The following CDH12 variants were observed in gnomAD, a reference collection of about 807,000 sequenced individuals.
CDH12 encodes cadherin-12.
A neutral mutation model predicts 74.1 loss-of-function variants in CDH12; 41 were observed. The observed-to-expected ratio is 0.55, with a 90% CI of 0.43 to 0.72. The LOEUF (loss-of-function observed/expected upper bound fraction) is 0.72. CDH12 is among the 30% of genes least tolerant of loss of function. The probability of loss-of-function intolerance (pLI) is 0.00; values close to 1 mark genes in which losing one functional copy is unlikely to be tolerated. For missense variants in CDH12, 945 were observed against 977.2 expected (o/e 0.97, Z 0.44); for synonymous variants, 399 against 355.0 (o/e 1.12, Z -1.39).
intron 6 of CDH12, among the ~76,000 whole-genome samples, chr5:21,877,211 A>G (rs1751982063): frequency 6.7e-6 from 1 of 149,368 alleles, no homozygotes; most frequent in African/African-American, 2.5e-5. Flanking sequence ...TCAGAAAAGA[A>G]AAAAAAAAAG....
intron 5 of CDH12, among the ~76,000 whole-genome samples, chr5:22,076,162 G>A (rs562912757): frequency 5.9e-5 from 9 of 152,008 alleles, no homozygotes; most frequent in Non-Finnish European, 1.2e-4. Flanking sequence ...CTGTACCAGC[G>A]GAAATAATGC....
intron 5 of CDH12, among the ~76,000 whole-genome samples, chr5:21,977,854 A>T (rs1440192804): frequency 6.6e-6 from 1 of 152,160 alleles, no homozygotes; most frequent in Non-Finnish European, 1.5e-5. Context: ...TCGTGAGAGA[A>T]TTAGACTTTT....
chr5:22,556,694 A>G (rs1364915241), intron 1 of CDH12, among the ~76,000 whole-genome samples: 1 of 152,136 alleles, frequency 6.6e-6, no homozygotes, highest in Non-Finnish European at 1.5e-5. Context: ...ACATGGCCTT[A>G]ATGTTCCTCT....
chr5:22,403,742 G>A (rs942588863), intron 3 of CDH12, among the ~76,000 whole-genome samples: 1 of 152,138 alleles, frequency 6.6e-6, no homozygotes, highest in Non-Finnish European at 1.5e-5. Flanking sequence ...GAGGTTTTCG[G>A]TGCTAGTATA....
intron 1 of CDH12, among the ~76,000 whole-genome samples, chr5:22,608,959 C>T (rs1391559545): frequency 2.0e-5 from 3 of 152,200 alleles, no homozygotes; most frequent in African/African-American, 4.8e-5. Context: ...GACTAATACA[C>T]ATACCAAAGC....
intron 6 of CDH12, among the ~76,000 whole-genome samples, chr5:21,907,069 G>C (rs1373874033): frequency 6.6e-6 from 1 of 152,154 alleles, no homozygotes; most frequent in Non-Finnish European, 1.5e-5. Context: ...AGTCTTAATA[G>C]AAATACAAGC....
intron 1 of CDH12, among the ~76,000 whole-genome samples, chr5:22,600,246 T>A (rs1481194052): frequency 6.6e-6 from 1 of 152,162 alleles, no homozygotes; most frequent in Non-Finnish European, 1.5e-5. Flanking sequence ...TGGCACACAA[T>A]GCTATTCGTG....
intron 1 of CDH12, among the ~76,000 whole-genome samples, chr5:22,846,076 C>CATAGTGAGATATTATG (rs1737287672): frequency 1.3e-5 from 2 of 151,966 alleles, no homozygotes; most frequent in African/African-American, 4.8e-5. Context: ...TGATATTGTA[C>CATAGTGAGATATTATG]CACATGTGGG....
chr5:22,664,834 G>T (rs1225710616), intron 1 of CDH12, among the ~76,000 whole-genome samples: 3 of 152,134 alleles, frequency 2.0e-5, no homozygotes, highest in African/African-American at 4.8e-5. Context: ...ATACTACTAT[G>T]AATTCAGCAA....
At position 22,024,140 on chromosome 5, in the gene CDH12, GA is replaced by G. The variant is rs200712173; in HGVS notation, c.232-48756del. Reference sequence around the variant, plus strand: ...ATTAATAATTGAGTTTTAGCGACTTGAAAATGTATGTTACTATCTTTAAAAC... The same window carrying G: ...ATTAATAATTGAGTTTTAGCGACTTGAAATGTATGTTACTATCTTTAAAAC... On this transcript the variant is annotated intron_variant, in intron 5 of 14. Transcript: ENST00000382254. 8.3e-3 allele frequency among the ~76,000 whole-genome samples: 1,269 copies of G among 152,234 alleles called. 26 individuals carry two copies. The highest frequency in any genetic ancestry group is 0.029 in the African/African-American group (1,204 of 41,562).
intron 4 of CDH12, among the ~76,000 whole-genome samples, chr5:22,147,444 A>G (rs887372467): frequency 2.0e-5 from 3 of 152,152 alleles, no homozygotes; most frequent in African/African-American, 4.8e-5. Context: ...AATCCACTGG[A>G]TTTGCCCTAT....
intron 4 of CDH12, among the ~76,000 whole-genome samples, chr5:22,117,948 A>G (rs911862518): frequency 2.6e-5 from 4 of 152,160 alleles, no homozygotes; most frequent in Non-Finnish European, 5.9e-5. Flanking sequence ...CCTATTTTAC[A>G]GATAGCCAAA....
At chr5:22,848,358 A>C (rs950997059) in intron 1 of CDH12, among the ~76,000 whole-genome samples, 1 of 152,144 alleles carries the variant, frequency 6.6e-6, no homozygotes, top group African/African-American at 2.4e-5. Flanking sequence ...TAGTGATTAC[A>C]TTTTAACTTA....
intron 3 of CDH12, among the ~76,000 whole-genome samples, chr5:22,308,880 GAGAA>G (rs773834063): frequency 1.0e-4 from 4 of 38,174 alleles, no homozygotes; most frequent in African/African-American, 3.1e-4. Context: ...GAGAGAGAGA[GAGAA>G]AGAGAGAGAG....
intron 6 of CDH12, among the ~76,000 whole-genome samples, chr5:21,875,771 T>A (rs1751903241): frequency 6.6e-6 from 1 of 152,194 alleles, no homozygotes; most frequent in African/African-American, 2.4e-5. Context: ...AGCCTAGTAC[T>A]ATGATTGGAG....
intron 5 of CDH12, among the ~76,000 whole-genome samples, chr5:21,975,670 TA>T (rs1757040902): frequency 6.6e-6 from 1 of 152,150 alleles, no homozygotes; most frequent in Non-Finnish European, 1.5e-5. Flanking sequence ...CCTTATCAGA[TA>T]GATCTCATAT....
Position 21,755,597 on chromosome 5 carries a change from G to A in CDH12, c.1879C>T (p.Leu627Phe), listed in dbSNP as rs1425273193. 1.2e-6 allele frequency: 2 copies of A among 1,613,716 alleles called. No homozygotes were observed. The highest frequency in any genetic ancestry group is 4.5e-5 in the East Asian group (2 of 44,844). The change falls in exon 14 of 15, where the codon CTC becomes TTC. Residue 627 changes from leucine to phenylalanine, a missense_variant. Leu to Phe is a conservative substitution (Grantham distance 22, BLOSUM62 0). Around this residue, in one of 3 missense-constraint regions of CDH12, gnomAD observed 791 missense variants for 792.8 expected, o/e 1.00. Coordinates refer to ENST00000382254, the MANE Select transcript of CDH12 (RefSeq NM_004061.5). ...GATTAATATTGAAACCAACCTAAGAGTATAACAATGCATAGTAGAATTGCA... is the reference window on the plus strand; with the variant it reads ...GATTAATATTGAAACCAACCTAAGAATATAACAATGCATAGTAGAATTGCA... ...LIAILLCIVI[L>F]LAIVVLYVAL...
intron 1 of CDH12, among the ~76,000 whole-genome samples, chr5:22,537,703 A>G (rs1245084797): frequency 6.6e-6 from 1 of 151,962 alleles, no homozygotes; most frequent in Non-Finnish European, 1.5e-5. Context: ...AAGCTCTCTC[A>G]CTCTAAAAAA....
chr5:22,776,242 A>G (rs777298137), intron 1 of CDH12, among the ~76,000 whole-genome samples: 1 of 152,114 alleles, frequency 6.6e-6, no homozygotes, highest in Non-Finnish European at 1.5e-5. Context: ...ACAAATAAAC[A>G]TAATAATTAT....
Sources: allele counts gnomAD v4.1 joint callset (sites outside exome capture counted in the v4.1 genomes callset), GRCh38; gene constraint gnomAD v4.1.1; regional missense constraint gnomAD v4.1.1; transcripts MANE v1.5; gene names NCBI Gene and HGNC (gene_info 2026-07-23, HGNC 2026-07-21).